Variants in ADGRG6 observed in about 807,000 individuals in gnomAD.
ADGRG6 encodes adhesion G protein-coupled receptor G6.
Under a neutral mutation model 142.4 loss-of-function variants are expected in ADGRG6, and 84 were observed. The observed-to-expected ratio is 0.59, with a 90% confidence interval of 0.49 to 0.71. The LOEUF (loss-of-function observed/expected upper bound fraction) is 0.71. Among genes scored for constraint, ADGRG6 ranks in the 30% least tolerant of loss-of-function variants. The pLI, the probability that ADGRG6 is intolerant of heterozygous loss-of-function variation, is 0.00. For missense variants in ADGRG6, 1,367 were observed against 1,466.6 expected, an observed-to-expected ratio of 0.93 and a Z score of 1.11; for synonymous variants, 521 against 520.5, an observed-to-expected ratio of 1.00 and a Z score of -0.01.
rs76166170 is a variant in ADGRG6, at chr6:142,394,840, G to GC, written c.1424+890dup. Among the ~76,000 whole-genome samples the GC allele has an allele frequency of 1.1e-3, 174 of 151,558 alleles. 2 individuals carry two copies. The highest frequency in any genetic ancestry group is 1.7e-3 in the African/African-American group (72 of 41,308). ...GGCCTCAAGTAAACCTCCTGTCTCAGCCCCCCCCAGAGTGCTGGGATTACA... is the reference window on the plus strand; with the variant it reads ...GGCCTCAAGTAAACCTCCTGTCTCAGCCCCCCCCCAGAGTGCTGGGATTACA... On this transcript the variant is annotated intron_variant, in intron 9 of 24. Coordinates refer to ENST00000367609, the MANE Select transcript of ADGRG6 (RefSeq NM_198569.3).
rs1562342020 is a variant in ADGRG6, at chr6:142,367,682, GC to G, written c.222del (p.Thr75ProfsTer7). 2.5e-6 allele frequency: 4 copies of G among 1,613,752 alleles called. No homozygotes were observed. The highest frequency in any genetic ancestry group is 3.4e-6 in the Non-Finnish European group (4 of 1,179,814). ...CCAGGCTTGCATGTGGACGCTCCGA[GC>G]CCCCACCGGTTATATCATTCAGATA... ...NSQACMWTLR[A>X]PTGYIIQITF... is the part of the protein sequence containing the mutation. On this transcript the variant is annotated frameshift_variant, in exon 3 of 25. Transcript: ENST00000367609. LOFTEE classifies it high-confidence loss of function.
At chr6:142,408,764 A>G (rs1307786210) in intron 16 of ADGRG6, among the ~76,000 whole-genome samples, 1 of 152,104 alleles carries the variant, frequency 6.6e-6, no homozygotes, top group Non-Finnish European at 1.5e-5. Flanking sequence ...TTTGTTTGAT[A>G]AAATTAGATG....
At chr6:142,432,837 C>T (rs1007992896) in intron 22 of ADGRG6, among the ~76,000 whole-genome samples, 1 of 152,100 alleles carries the variant, frequency 6.6e-6, no homozygotes, top group Admixed American at 6.6e-5. Flanking sequence ...CCTCAAAACA[C>T]CAGACACAAC....
chr6:142,318,444 T>G lies in ADGRG6; in HGVS notation c.103+8800T>G, dbSNP rs1778350234. Among the ~76,000 whole-genome samples the G allele has an allele frequency of 3.1e-5, 4 of 129,506 alleles. No homozygotes were observed. In the South Asian group the frequency reaches 8.8e-4, roughly 28 times the overall value. 85.0% of individuals were successfully genotyped at this position (129,506 alleles called of 152,430 possible). A position where few individuals can be genotyped will look rare whatever the true frequency, so the allele number is the denominator to read the frequency against. On this transcript the variant is annotated intron_variant, in intron 2 of 24. Coordinates refer to ENST00000367609, the MANE Select transcript of ADGRG6 (RefSeq NM_198569.3). ...TATTTATATATTATATATTTATATA[T>G]CAGGCTCATTTCAAAGTCCTAATTT...
Position 142,434,515 on chromosome 6 carries a change from G to A in ADGRG6, c.3320-2919G>A, listed in dbSNP as rs564109210. On this transcript the variant is annotated intron_variant, in intron 22 of 24. Transcript: ENST00000367609. ...AATTTTTTGTGTTTTTAGTAGAGAT[G>A]GGGTTTCACTATGTTGGCCAGGCTG... Among the ~76,000 whole-genome samples the A allele has an allele frequency of 7.9e-5, 12 of 152,060 alleles. No individual in the cohort carries two copies. In the South Asian group the frequency reaches 2.5e-3, roughly 32 times the overall value.
At chr6:142,420,600 A>G (rs1446592649) in intron 22 of ADGRG6, among the ~76,000 whole-genome samples, 2 of 152,110 alleles carry the variant, frequency 1.3e-5, no homozygotes, top group African/African-American at 4.8e-5. Context: ...TTTCAGAATA[A>G]ATACCAACAC....
At chr6:142,391,434 T>TACACACACACACACACAC (rs35253608) in intron 7 of ADGRG6, among the ~76,000 whole-genome samples, 6 of 132,378 alleles carry the variant, frequency 4.5e-5, no homozygotes, top group African/African-American at 1.6e-4. Flanking sequence ...AAGTGGTAGC[T>TACACACACACACACACAC]ACACACACAC....
At chr6:142,442,812 T>C (rs540868885) in intron 24 of ADGRG6, among the ~76,000 whole-genome samples, 1 of 152,212 alleles carries the variant, frequency 6.6e-6, no homozygotes, top group East Asian at 1.9e-4. Context: ...TTTAATTTTA[T>C]AAAATTTTTT....
intron 22 of ADGRG6, among the ~76,000 whole-genome samples, chr6:142,426,346 T>G (rs750920264): frequency 3.3e-5 from 5 of 152,182 alleles, no homozygotes; most frequent in Non-Finnish European, 5.9e-5. Context: ...ACAGGCCCAG[T>G]GCAAGTCCAG....
chr6:142,351,233 A>AAAAAC (rs139867047), intron 2 of ADGRG6, among the ~76,000 whole-genome samples: 1 of 152,108 alleles, frequency 6.6e-6, no homozygotes, highest in African/African-American at 2.4e-5. Context: ...CTTTGTTTCA[A>AAAAAC]AAAACAAAAC....
chr6:142,396,146 C>G (rs6900233), intron 9 of ADGRG6, among the ~76,000 whole-genome samples: 31,429 of 152,056 alleles, frequency 0.21, 3,337 homozygotes, highest in African/African-American at 0.25. Flanking sequence ...TCTCAGTATT[C>G]AAGACAAGTA....
chr6:142,316,025 T>C (rs1778045610), intron 2 of ADGRG6, among the ~76,000 whole-genome samples: 1 of 152,030 alleles, frequency 6.6e-6, no homozygotes, highest in South Asian at 2.1e-4. Flanking sequence ...TTATCTTGAT[T>C]TCTTAAAATC....
At chr6:142,402,418 G>T (rs1036883626) in intron 12 of ADGRG6, among the ~76,000 whole-genome samples, 2 of 152,062 alleles carry the variant, frequency 1.3e-5, no homozygotes, top group Admixed American at 6.6e-5. Context: ...CAAGTTATTT[G>T]TATCTTACTA....
In ADGRG6 at chr6:142,415,076, C is replaced by T; in HGVS notation, c.2649C>T (p.Leu883=). The T allele has an allele frequency of 6.2e-7, 1 of 1,611,070 alleles. No individual in the cohort carries two copies. Among genetic ancestry groups the T allele is most frequent in the Non-Finnish European group, 8.5e-7 (1 of 1,178,294 alleles). The change falls in exon 19 of 25, where the codon CTC becomes CTT. Residue 883 remains leucine (L), a synonymous_variant. Transcript: ENST00000367609. Reference sequence around the variant, plus strand: ...CTGCTATTTTTTCAGCAGCAACTCTCCTGACATATGTTGCTTTTGAGTAAG... The same window carrying T: ...CTGCTATTTTTTCAGCAGCAACTCTTCTGACATATGTTGCTTTTGAGTAAG... ...GISAIFSAAT[L]LTYVAFEKLR...
In ADGRG6 at chr6:142,446,108, A is replaced by G. The variant is rs1265085688; in HGVS notation, c.*2593A>G. 1 of 152,596 alleles carries G rather than the reference A, an allele frequency of 6.6e-6. No homozygotes were observed. Among genetic ancestry groups the G allele is most frequent in the Non-Finnish European group, 1.5e-5 (1 of 68,022 alleles). The allele number at this position is 152,596 out of a possible 1,614,324, so 9.5% of individuals were successfully genotyped here. Reference sequence around the variant, plus strand: ...TTTTTTCTAAATACTTTGTGAAATCATTTTTGGTAGCAATATCTTTGAATA... The same window carrying G: ...TTTTTTCTAAATACTTTGTGAAATCGTTTTTGGTAGCAATATCTTTGAATA... On this transcript the variant is annotated 3_prime_UTR_variant, in exon 25 of 25. Transcript: ENST00000367609.
Position 142,443,519 on chromosome 6 carries a change from C to CT in ADGRG6, c.*7dup. 1 of 1,592,032 alleles carries CT rather than the reference C, an allele frequency of 6.3e-7. No individual in the cohort carries two copies. Among genetic ancestry groups the CT allele is most frequent in the Non-Finnish European group, 8.6e-7 (1 of 1,166,372 alleles). On this transcript the variant is annotated 3_prime_UTR_variant, in exon 25 of 25. Transcript: ENST00000367609. Reference sequence around the variant, plus strand: ...CAGCCACAGCACAAAGTTTTAATGTCTTTAAGAAAAAGAAATCAATCTGCA... The same window carrying CT: ...CAGCCACAGCACAAAGTTTTAATGTCTTTTAAGAAAAAGAAATCAATCTGCA...
At chr6:142,302,504 A>G (rs188338733) in intron 1 of ADGRG6, 173 bp downstream of exon 1, 15 of 619,138 alleles carry the variant, frequency 2.4e-5, no homozygotes, top group Middle Eastern at 3.3e-4. Context: ...ACTGAGGAGT[A>G]GGACTATTGC....
intron 2 of ADGRG6, among the ~76,000 whole-genome samples, chr6:142,314,087 G>A (rs186314143): frequency 3.9e-4 from 60 of 152,272 alleles, no homozygotes; most frequent in Admixed American, 1.2e-3. Flanking sequence ...TCAGATTAGC[G>A]TCAGTGTGAG....
chr6:142,345,063 G>T (rs535880235), intron 2 of ADGRG6, among the ~76,000 whole-genome samples: 2 of 152,130 alleles, frequency 1.3e-5, no homozygotes, highest in East Asian at 3.9e-4. Flanking sequence ...TCAATAATTG[G>T]ACTGTAAAAT....
Sources: gnomAD v4.1 joint callset for allele counts (sites outside exome capture counted in the v4.1 genomes callset) on GRCh38, gnomAD v4.1.1 for gene constraint, MANE v1.5 for transcripts, NCBI Gene and HGNC (gene_info 2026-07-23, HGNC 2026-07-21) for gene names.